HIBCH: variants seen among roughly 807,000 people sequenced by gnomAD.
HIBCH encodes the protein 3-hydroxyisobutyryl-CoA hydrolase, also known as 3-hydroxyisobutyryl-CoA hydrolase, mitochondrial.
Under a neutral mutation model 58.2 loss-of-function variants are expected in HIBCH, and 50 were observed. The observed-to-expected ratio is 0.86, with a 90% CI of 0.68 to 1.09. The LOEUF is 1.09. Ranked by LOEUF, HIBCH falls within the 50% of genes least tolerant of loss-of-function variation. The pLI is 0.00. For missense variants in HIBCH, 450 were observed against 449.7 expected (o/e 1.00, Z -0.01); for synonymous variants, 151 against 146.9 (o/e 1.03, Z -0.20).
At chr2:190,220,613 G>GTA (rs1430899185) in intron 11 of HIBCH, among the ~76,000 whole-genome samples, 8 of 151,766 alleles carry the variant, frequency 5.3e-5, no homozygotes, top group Non-Finnish European at 7.4e-5. Context: ...CGATTACAGG[G>GTA]TACTCCACTG....
intron 9 of HIBCH, among the ~76,000 whole-genome samples, chr2:190,246,838 C>T (rs966017647): frequency 6.6e-6 from 1 of 152,116 alleles, no homozygotes; most frequent in Non-Finnish European, 1.5e-5. Context: ...GTACGGGACA[C>T]GTATCTTAGC....
chr2:190,244,823 G>T, intron 11 of HIBCH, 64 bp downstream of exon 11: 2 of 1,041,476 alleles, frequency 1.9e-6, no homozygotes, highest in South Asian at 1.3e-5. Context: ...TACCCCCTTA[G>T]AGAGGCTTCC....
At position 190,205,510 on chromosome 2, in the gene HIBCH, T is replaced by C. The variant is rs902887098; in HGVS notation, c.1046-278A>G. ...TGAATTAATCCAGTGGTTTAAACAT[T>C]AGAATTCTTTTTTTCTTCTTGAAAT... On this transcript the variant is annotated intron_variant, in intron 13 of 13. Transcript: ENST00000359678. Among the ~76,000 whole-genome samples, 3 of 152,178 alleles carry C rather than the reference T, an allele frequency of 2.0e-5. No homozygotes were observed. In the East Asian group the frequency reaches 5.8e-4, roughly 29 times the overall value.
chr2:190,271,229 C>CCAAAA (rs1242224784), intron 6 of HIBCH, among the ~76,000 whole-genome samples: 2 of 151,344 alleles, frequency 1.3e-5, no homozygotes, highest in Non-Finnish European at 2.9e-5. Flanking sequence ...CAAGTCTTCT[C>CCAAAA]CAAAATCTCC....
intron 5 of HIBCH, among the ~76,000 whole-genome samples, chr2:190,289,015 GC>G (rs1687899628): frequency 6.6e-6 from 1 of 152,130 alleles, no homozygotes. Context: ...GGTGGCTGAG[GC>G]AGGAGAATCA....
intron 1 of HIBCH, among the ~76,000 whole-genome samples, chr2:190,198,345 G>C (rs16832420): frequency 0.25 from 38,129 of 152,020 alleles, 5,176 homozygotes; most frequent in East Asian, 0.34. Context: ...TTTGCCTTAA[G>C]ATCAGTGGTT....
intron 6 of HIBCH, among the ~76,000 whole-genome samples, chr2:190,269,387 GA>G (rs943860748): frequency 2.0e-5 from 3 of 150,178 alleles, no homozygotes; most frequent in Admixed American, 6.6e-5. Context: ...AAATTTACAA[GA>G]AAAAAAAATC....
intron 6 of HIBCH, among the ~76,000 whole-genome samples, chr2:190,268,118 G>C (rs1015538175): frequency 5.9e-5 from 9 of 152,114 alleles, no homozygotes; most frequent in Admixed American, 1.3e-4. Flanking sequence ...CAGACTCACA[G>C]GGCATTAAAA....
At chr2:190,250,235 A>G (rs1394273015) in intron 8 of HIBCH, 5 of 357,700 alleles carry the variant, frequency 1.4e-5, no homozygotes, top group Non-Finnish European at 2.3e-5. Flanking sequence ...TTTACCTGAC[A>G]ATACCTTTTC....
downstream of HIBCH, chr2:190,199,689 C>T (rs374267934): frequency 1.2e-4 from 173 of 1,425,318 alleles, no homozygotes; most frequent in South Asian, 2.5e-3. Flanking sequence ...CCTACCTTCT[C>T]TTGACAGGTA....
chr2:190,308,785 T>C (rs1235830836), intron 2 of HIBCH, among the ~76,000 whole-genome samples: 1 of 152,212 alleles, frequency 6.6e-6, no homozygotes, highest in Non-Finnish European at 1.5e-5. Context: ...GGAAGGGATA[T>C]GCCAGGCTTC....
At chr2:190,235,156 G>T (rs140694883) in intron 11 of HIBCH, among the ~76,000 whole-genome samples, 428 of 152,354 alleles carry the variant, frequency 2.8e-3, no homozygotes, top group African/African-American at 9.9e-3. Flanking sequence ...GGCAGTGCCT[G>T]AGCTTCTACA....
intron 11 of HIBCH, among the ~76,000 whole-genome samples, chr2:190,240,582 G>A (rs1281737811): frequency 6.6e-6 from 1 of 152,080 alleles, no homozygotes; most frequent in African/African-American, 2.4e-5. Flanking sequence ...TGATGTAAGG[G>A]TGTCAATTTT....
intron 8 of HIBCH, 106 bp from the exon 9 acceptor site, chr2:190,249,832 G>C: frequency 1.3e-6 from 1 of 776,180 alleles, no homozygotes; most frequent in African/African-American, 1.7e-5. Context: ...TTTAAATTAT[G>C]AAGCTGTCTC....
downstream of HIBCH, chr2:190,200,206 A>G: frequency 1.4e-6 from 2 of 1,423,860 alleles, no homozygotes; most frequent in Non-Finnish European, 2.0e-6. Context: ...AATGTGACAA[A>G]AGCAAAAACT....
At position 190,244,935 on chromosome 2, in the gene HIBCH, A is replaced by C. The variant is rs753060412; in HGVS notation, c.843T>G (p.Ile281Met). Reference protein sequence around the residue: ...CFSANTVEEIIENLQQDGSSF... With the variant: ...CFSANTVEEIMENLQQDGSSF... ...ATGAACCATCTTGCTGTAAGTTTTC[A>C]ATAATTTCTTCCACAGTATTGGCTG... is the stretch of plus-strand genomic sequence containing the variant. Residue 281 changes from isoleucine to methionine, a missense_variant, in exon 11 of 14, where the codon ATT (isoleucine) becomes ATG (methionine). By Grantham distance (10) the Ile-to-Met change is conservative. Coordinates refer to ENST00000359678, the MANE Select transcript of HIBCH (RefSeq NM_014362.4). 2 of 1,611,150 alleles carry C rather than the reference A, an allele frequency of 1.2e-6. No individual in the cohort carries two copies. The highest frequency in any genetic ancestry group is 2.2e-5 in the East Asian group (1 of 44,858).
intron 3 of HIBCH, among the ~76,000 whole-genome samples, chr2:190,296,599 C>T (rs907126356): frequency 1.1e-4 from 16 of 152,114 alleles, no homozygotes; most frequent in Admixed American, 2.0e-4. Context: ...ATATAAAAGT[C>T]AGAGTCTGTC....
At chr2:190,242,025 G>T (rs1296354751) in intron 11 of HIBCH, among the ~76,000 whole-genome samples, 1 of 152,042 alleles carries the variant, frequency 6.6e-6, no homozygotes, top group Admixed American at 6.6e-5. Context: ...GCTAGGTTGG[G>T]GAAGTTCTCC....
chr2:190,267,610 TA>T (rs1687278978), intron 6 of HIBCH, among the ~76,000 whole-genome samples: 1 of 152,256 alleles, frequency 6.6e-6, no homozygotes, highest in South Asian at 2.1e-4. Flanking sequence ...TATTGTTCAC[TA>T]TGGAACTCAT....
Sources: gnomAD v4.1 joint callset for allele counts (sites outside exome capture counted in the v4.1 genomes callset) on GRCh38, gnomAD v4.1.1 for gene constraint, MANE v1.5 for transcripts, NCBI Gene and HGNC (gene_info 2026-07-23, HGNC 2026-07-21) for gene names.